EXOSC3: variants seen among roughly 807,000 people sequenced by gnomAD.
EXOSC3 encodes exosome component 3.
In EXOSC3, 18 loss-of-function variants were observed where a neutral mutation model predicts 25.1. The ratio of observed to expected loss-of-function variants is 0.72; its 90% CI spans 0.50 to 1.06. EXOSC3 has a LOEUF of 1.06. Among genes scored for constraint, EXOSC3 ranks in the 50% least tolerant of loss-of-function variants. EXOSC3 has a pLI of 0.00. For synonymous variants in EXOSC3, 165 were observed against 132.2 expected, an observed-to-expected ratio of 1.25 and a Z score of -1.70; for missense variants, 382 against 350.9, an observed-to-expected ratio of 1.09 and a Z score of -0.71.
chr9:37,784,060 C>T lies in EXOSC3; in HGVS notation c.328G>A (p.Val110Ile), dbSNP rs138169215. The T allele has an allele frequency of 7.4e-4, 1,187 of 1,605,264 alleles. 3 individuals are homozygous for T. Among genetic ancestry groups the T allele is most frequent in the Admixed American group, 1.1e-3 (64 of 58,130 alleles). The change falls in exon 2 of 4, where the codon GTT (valine) becomes ATT (isoleucine). Residue 110 changes from valine to isoleucine, a missense_variant. Transcript: ENST00000327304. ...ATCACATGGTCTCCTTTTACTGGAA[C>T]ATACTACAAAAAGAAACAGAATGAA... ...YWVDSQQKRY[V>I]PVKGDHVIGI...
chr9:37,781,878 T>C (rs1031627390), intron 3 of EXOSC3, 108 bp downstream of exon 3: 1 of 1,231,702 alleles, frequency 8.1e-7, no homozygotes. Flanking sequence ...TTTCTAACTC[T>C]GAGGAGAAAT....
At position 37,785,018 on chromosome 9, in the gene EXOSC3, A is replaced by G. The variant is rs139476262; in HGVS notation, c.27T>C (p.Ala9=). 73 of 1,601,036 alleles carry G rather than the reference A, an allele frequency of 4.6e-5. No homozygotes were observed. In the African/African-American group the frequency reaches 8.8e-4, roughly 19 times the overall value. Residue 9 remains alanine, a synonymous_variant, in exon 1 of 4, where the codon GCT becomes GCC. Coordinates refer to ENST00000327304, the MANE Select transcript of EXOSC3 (RefSeq NM_016042.4). MAEPASVA[A]ESLAGSRARA... ...GCGCCCTGCTGCCCGCGAGAGATTCAGCCGCGACAGACGCAGGTTCGGCCA... is the reference window on the plus strand; with the variant it reads ...GCGCCCTGCTGCCCGCGAGAGATTCGGCCGCGACAGACGCAGGTTCGGCCA...
At position 37,779,732 on chromosome 9, in the gene EXOSC3, T is replaced by TA. The variant is rs1828517086; in HGVS notation, c.*946dup. The stretch of plus-strand genomic sequence containing the variant: ...AAGCTCCTTGGTCTTTATCAACAAA[T>TA]AGAGTTCTATAATCTCTTTGATCCA... On this transcript the variant is annotated 3_prime_UTR_variant, in exon 4 of 4. Coordinates refer to ENST00000327304, the MANE Select transcript of EXOSC3 (RefSeq NM_016042.4). 2 of 152,202 alleles carry TA rather than the reference T, an allele frequency of 1.3e-5. No individual in the cohort carries two copies. Among genetic ancestry groups the TA allele is most frequent in the African/African-American group, 4.8e-5 (2 of 41,450 alleles). The allele number at this position is 152,202 out of a possible 1,614,324, so 9.4% of individuals were successfully genotyped here.
upstream of EXOSC3, chr9:37,785,088 T>TCCGCTC (rs764566949): frequency 1.9e-6 from 3 of 1,542,452 alleles, no homozygotes; most frequent in East Asian, 7.0e-5. Context: ...GCCTTCCGCT[T>TCCGCTC]CCGCTCCGCT....
At position 37,780,823 on chromosome 9, in the gene EXOSC3, C is replaced by T; in HGVS notation, c.684G>A (p.Glu228=). The T allele has an allele frequency of 6.2e-7, 1 of 1,613,772 alleles. No individual in the cohort carries two copies. Among genetic ancestry groups the T allele is most frequent in the East Asian group, 2.2e-5 (1 of 44,864 alleles). Residue 228 remains glutamate, a synonymous_variant, in exon 4 of 4, where the codon GAG becomes GAA. Coordinates refer to ENST00000327304, the MANE Select transcript of EXOSC3 (RefSeq NM_016042.4). ...TTCTTCCATTCATTCCAAATACTAT[C>T]TCCAGTGGATAGAGTTTTCCCACTT... ...IQEVGKLYPL[E]IVFGMNGRIW... is the part of the protein sequence containing the mutation.
chr9:37,781,732 A>G (rs758456038), intron 3 of EXOSC3: 2 of 419,968 alleles, frequency 4.8e-6, no homozygotes, highest in Non-Finnish European at 8.5e-6. Flanking sequence ...GGAAGATATG[A>G]ATACAGAGTA....
intron 2 of EXOSC3, among the ~76,000 whole-genome samples, chr9:37,782,564 C>A (rs7029518): frequency 6.6e-6 from 1 of 152,142 alleles, no homozygotes; most frequent in African/African-American, 2.4e-5. Flanking sequence ...TATATTAGGT[C>A]GCACTACCCT....
Position 37,785,047 on chromosome 9 carries a change from C to A in EXOSC3, c.-3G>T. ...GCGACAGACGCAGGTTCGGCCATCG[C>A]GGGCTCCACCAAACACCGTTTCCGG... On this transcript the variant is annotated 5_prime_UTR_variant, in exon 1 of 4. Coordinates refer to ENST00000327304, the MANE Select transcript of EXOSC3 (RefSeq NM_016042.4). 6.3e-7 allele frequency: 1 copy of A among 1,592,496 alleles called. No homozygotes were observed. Among genetic ancestry groups the A allele is most frequent in the Non-Finnish European group, 8.6e-7 (1 of 1,168,456 alleles).
intron 2 of EXOSC3, among the ~76,000 whole-genome samples, chr9:37,783,100 T>C (rs1453891739): frequency 6.6e-6 from 1 of 152,202 alleles, no homozygotes; most frequent in Non-Finnish European, 1.5e-5. Flanking sequence ...AGTATGGCTG[T>C]ATGAAGGATA....
chr9:37,781,650 C>T (rs1009758533), intron 3 of EXOSC3, among the ~76,000 whole-genome samples: 4 of 152,008 alleles, frequency 2.6e-5, no homozygotes, highest in Admixed American at 2.0e-4. Context: ...CATCTGTATT[C>T]AAGTGACTCA....
In EXOSC3 at chr9:37,780,636, A is replaced by G; in HGVS notation, c.*43T>C. ...GGGGGAGGTTCACCTGAAAAAACCC[A>G]TAGTTTTTTGCCTCAACTGACCTGT... On this transcript the variant is annotated 3_prime_UTR_variant, in exon 4 of 4. Transcript: ENST00000327304. The G allele has an allele frequency of 6.5e-7, 1 of 1,534,890 alleles. No homozygotes were observed. Among genetic ancestry groups the G allele is most frequent in the Non-Finnish European group, 9.0e-7 (1 of 1,113,474 alleles).
At chr9:37,781,599 A>ATAAT (rs879744903) in intron 3 of EXOSC3, among the ~76,000 whole-genome samples, 4 of 152,084 alleles carry the variant, frequency 2.6e-5, no homozygotes, top group Non-Finnish European at 5.9e-5. Context: ...TGTGACCCCC[A>ATAAT]TAATTAGAAA....
chr9:37,784,890 G>T lies in EXOSC3; in HGVS notation c.155C>A (p.Pro52Gln), dbSNP rs766811932. Residue 52 changes from proline (P) to glutamine (Q), a missense_variant, in exon 1 of 4, where the codon CCG becomes CAG. Physicochemically the swap from Pro to Gln is moderately conservative, Grantham distance 76 (BLOSUM62 -1). Transcript: ENST00000327304. ...AEGPGGAVER[P>Q]LSLNARACSR... Reference sequence around the variant, plus strand: ...GCACGCTCTAGCATTCAGGCTCAACGGTCGCTCCACTGCACCCCCAGGGCC... The same window carrying T: ...GCACGCTCTAGCATTCAGGCTCAACTGTCGCTCCACTGCACCCCCAGGGCC... The T allele has an allele frequency of 2.3e-5, 37 of 1,606,240 alleles. No individual in the cohort carries two copies. The highest frequency in any genetic ancestry group is 3.4e-5 in the Admixed American group (2 of 59,020).
Position 37,780,803 on chromosome 9 carries a change from C to T in EXOSC3, c.704G>A (p.Gly235Glu), listed in dbSNP as rs1232515479. ...GGTTTTTGCCTTAACCCATATTCTT[C>T]CATTCATTCCAAATACTATCTCCAG... ...YPLEIVFGMNGRIWVKAKTIQ... is the reference protein window; with the variant it reads ...YPLEIVFGMNERIWVKAKTIQ... Residue 235 changes from glycine (G) to glutamate (E), a missense_variant, in exon 4 of 4, where the codon GGA becomes GAA. By Grantham distance (98) the Gly-to-Glu change is moderately conservative. Transcript: ENST00000327304. 6.2e-7 allele frequency: 1 copy of T among 1,613,956 alleles called. No homozygotes were observed. The highest frequency in any genetic ancestry group is 2.2e-5 in the East Asian group (1 of 44,876).
rs1336478339 is a variant in EXOSC3, at chr9:37,784,664, CT to C, written c.324+56del. The C allele has an allele frequency of 6.0e-5, 90 of 1,503,588 alleles. No homozygotes were observed. In the African/African-American group the frequency reaches 9.2e-4, roughly 15 times the overall value. 93.1% of individuals were successfully genotyped at this position (1,503,588 alleles called of 1,614,324 possible). A position where few individuals can be genotyped will look rare whatever the true frequency, so the allele number is the denominator to read the frequency against. On this transcript the variant is annotated intron_variant, in intron 1 of 3. Transcript: ENST00000327304. The stretch of plus-strand genomic sequence containing the variant: ...TCCCTCTCTTCTTTTGGGAGGTCTT[CT>C]CAAAGCAGGGCTACCACTCTCACTG...
chr9:37,780,486 A>C lies in EXOSC3; in HGVS notation c.*193T>G, dbSNP rs900344832. On this transcript the variant is annotated 3_prime_UTR_variant, in exon 4 of 4. Coordinates refer to ENST00000327304, the MANE Select transcript of EXOSC3 (RefSeq NM_016042.4). Reference sequence around the variant, plus strand: ...TTTAGTAAACTTTATTGTACCGAACAAAAAAAATGATTTTGCAATGATTTT... The same window carrying C: ...TTTAGTAAACTTTATTGTACCGAACCAAAAAAATGATTTTGCAATGATTTT... 102 of 545,800 alleles carry C rather than the reference A, an allele frequency of 1.9e-4. No individual in the cohort carries two copies. Among genetic ancestry groups the C allele is most frequent in the Admixed American group, 3.4e-4 (10 of 29,724 alleles). 33.8% of individuals were successfully genotyped at this position (545,800 alleles called of 1,614,324 possible).
chr9:37,783,810 G>T, intron 2 of EXOSC3, 104 bp downstream of exon 2: 1 of 1,292,866 alleles, frequency 7.7e-7, no homozygotes, highest in Non-Finnish European at 1.1e-6. Flanking sequence ...CAAGCTCAGA[G>T]ATCTAGGTCA....
At position 37,782,018 on chromosome 9, in the gene EXOSC3, C is replaced by T. The variant is rs754667929; in HGVS notation, c.594G>A (p.Leu198=). 4.2e-5 allele frequency: 67 copies of T among 1,613,972 alleles called. No individual in the cohort carries two copies. The highest frequency in any genetic ancestry group is 5.6e-5 in the Non-Finnish European group (66 of 1,179,932). ...TTAAGCCCAGAGTCACTTTAAAAAG[C>T]AGACCATCCTGTCCAATGACACCCA... The part of the protein sequence containing the change: ...NGMGVIGQDG[L]LFKVTLGLIR... The change falls in exon 3 of 4, where the codon CTG becomes CTA. Residue 198 remains leucine, a synonymous_variant. Transcript: ENST00000327304.
rs1470423985 is a variant in EXOSC3, at chr9:37,780,619, T to C, written c.*60A>G. On this transcript the variant is annotated 3_prime_UTR_variant, in exon 4 of 4. Coordinates refer to ENST00000327304, the MANE Select transcript of EXOSC3 (RefSeq NM_016042.4). ...CTTCTGAGTATTTAAATGGGGGAGG[T>C]TCACCTGAAAAAACCCATAGTTTTT... 1.0e-5 allele frequency: 14 copies of C among 1,338,492 alleles called. No homozygotes were observed. The highest frequency in any genetic ancestry group is 2.9e-5 in the African/African-American group (2 of 68,886). 82.9% of individuals were successfully genotyped at this position (1,338,492 alleles called of 1,614,324 possible).
Sources: gnomAD v4.1 joint callset for allele counts (sites outside exome capture counted in the v4.1 genomes callset) on GRCh38, gnomAD v4.1.1 for gene constraint, MANE v1.5 for transcripts, NCBI Gene and HGNC (gene_info 2026-07-23, HGNC 2026-07-21) for gene names.